REXO1: variants seen among roughly 807,000 people sequenced by gnomAD.
REXO1 encodes RNA exonuclease 1 homolog.
Under a neutral mutation model 102.6 loss-of-function variants are expected in REXO1, and 42 were observed. The observed-to-expected ratio is 0.41, with a 90% CI of 0.32 to 0.53. The LOEUF (loss-of-function observed/expected upper bound fraction) is 0.53. REXO1 is among the 20% of genes least tolerant of loss of function. The pLI, the probability that REXO1 is intolerant of heterozygous loss-of-function variation, is 0.27. For synonymous variants in REXO1, 908 were observed against 779.1 expected (o/e 1.17, Z -2.76); for missense variants, 1,819 against 1,732.5 (o/e 1.05, Z -0.89).
chr19:1,838,969 C>T (rs1370580409), intron 1 of REXO1, among the ~76,000 whole-genome samples: 1 of 151,360 alleles, frequency 6.6e-6, no homozygotes, highest in Non-Finnish European at 1.5e-5. Context: ...ATACAAAAAT[C>T]AGCAGCTGGG....
intron 1 of REXO1, among the ~76,000 whole-genome samples, chr19:1,837,412 AG>A (rs1359248505): frequency 6.6e-6 from 1 of 152,216 alleles, no homozygotes; most frequent in Non-Finnish European, 1.5e-5. Context: ...TCAGAGGCAA[AG>A]GGACCAGCAC....
chr19:1,824,808 CAG>C (rs1408963765), intron 3 of REXO1, among the ~76,000 whole-genome samples: 2 of 149,890 alleles, frequency 1.3e-5, no homozygotes, highest in African/African-American at 4.9e-5. Context: ...CTTTTTGAGA[CAG>C]AGTCTTGCCT....
chr19:1,817,191 C>G, intron 12 of REXO1, 28 bp downstream of exon 12: 1 of 1,608,970 alleles, frequency 6.2e-7, no homozygotes, highest in Non-Finnish European at 8.5e-7. Flanking sequence ...CAATCCTGAA[C>G]CCGACGCTGG....
In REXO1 at chr19:1,827,197, G is replaced by T; in HGVS notation, c.1592C>A (p.Ala531Glu). 1 of 1,540,428 alleles carries T rather than the reference G, an allele frequency of 6.5e-7. No individual in the cohort carries two copies. The change falls in exon 2 of 16, where the codon GCA becomes GAA. Residue 531 changes from alanine (A) to glutamate (E), a missense_variant. Ala to Glu is a moderately radical substitution (Grantham distance 107). Transcript: ENST00000170168. ...CCACACGCTCGGCACCCCTGGCCCT[G>T]CGGCCTCGTCCTCACTCTCGTCCCC... ...LFGDESEDEA[A>E]GPGVPSVWPS...
chr19:1,827,140 G>C lies in REXO1; in HGVS notation c.1649C>G (p.Ser550Ter). ...PSALPSLSSD[S>*]DSDSDSSLGF... is the part of the protein sequence containing the mutation. ...CAGGCTGGAGTCTGAGTCGGAGTCT[G>C]AGTCCGAGCTGAGGCTGGGGAGGGC... The change falls in exon 2 of 16, where the codon TCA becomes TGA. Residue 550 changes from serine to a stop codon, truncating the protein, a stop_gained. Coordinates refer to ENST00000170168, the MANE Select transcript of REXO1 (RefSeq NM_020695.4). LOFTEE classifies it high-confidence loss of function. 6.5e-7 allele frequency: 1 copy of C among 1,542,396 alleles called. No individual in the cohort carries two copies. Among genetic ancestry groups the C allele is most frequent in the Non-Finnish European group, 8.7e-7 (1 of 1,146,366 alleles).
intron 1 of REXO1, among the ~76,000 whole-genome samples, chr19:1,843,586 G>A (rs2011397835): frequency 1.3e-5 from 2 of 152,130 alleles, no homozygotes; most frequent in Non-Finnish European, 2.9e-5. Context: ...CGGCCCCGGT[G>A]GCCCGATTGC....
rs145855901 is a variant in REXO1, at chr19:1,816,790, C to T, written c.3225G>A (p.Glu1075=). 2.5e-6 allele frequency: 4 copies of T among 1,612,656 alleles called. No homozygotes were observed. The highest frequency in any genetic ancestry group is 2.5e-6 in the Non-Finnish European group (3 of 1,179,892). ...CEMSYTTYGL[E]LTRVTVVDTD... ...TGTCGACCACCGTGACGCGCGTCAG[C>T]TCCAGGCCATATGTGGTGTAGGACT... Residue 1075 remains glutamate (E), a synonymous_variant, in exon 13 of 16, where the codon GAG becomes GAA. Coordinates refer to ENST00000170168, the MANE Select transcript of REXO1 (RefSeq NM_020695.4).
chr19:1,827,172 C>G lies in REXO1; in HGVS notation c.1617G>C (p.Trp539Cys), dbSNP rs768400799. The change falls in exon 2 of 16, where the codon TGG (tryptophan) becomes TGC (cysteine). Residue 539 changes from tryptophan to cysteine, a missense_variant. By Grantham distance (215) the Trp-to-Cys change is radical. Transcript: ENST00000170168. The stretch of plus-strand genomic sequence containing the variant: ...AGCTGAGGCTGGGGAGGGCAGAGGG[C>G]CACACGCTCGGCACCCCTGGCCCTG... ...EAAGPGVPSV[W>C]PSALPSLSSD... is the part of the protein sequence containing the mutation. 3 of 1,541,264 alleles carry G rather than the reference C, an allele frequency of 1.9e-6. No homozygotes were observed. The highest frequency in any genetic ancestry group is 2.6e-6 in the Non-Finnish European group (3 of 1,146,582).
At chr19:1,828,699 C>G in intron 1 of REXO1, 68 bp from the exon 2 acceptor site, 1 of 1,489,838 alleles carries the variant, frequency 6.7e-7, no homozygotes, top group Non-Finnish European at 8.9e-7. Flanking sequence ...GGGGGCGGCC[C>G]CGGTCTCAAA....
At chr19:1,817,161 G>C (rs1305296545) in intron 12 of REXO1, 58 bp downstream of exon 12, 6 of 901,948 alleles carry the variant, frequency 6.7e-6, no homozygotes, top group African/African-American at 2.6e-5. Context: ...TGGGGCGGCC[G>C]CACCAGGCCA....
At chr19:1,839,990 C>T (rs2011213051) in intron 1 of REXO1, among the ~76,000 whole-genome samples, 1 of 152,214 alleles carries the variant, frequency 6.6e-6, no homozygotes, top group Admixed American at 6.5e-5. Context: ...CTCTGAGGGC[C>T]TCTGAGCCAC....
Position 1,816,678 on chromosome 19 carries a change from G to C in REXO1, c.3317+20C>G. ...AGGCGGCTGGGAGGGCTCCCAGCTC[G>C]TGGAGGGCACTGGCCACACCTGGTG... On this transcript the variant is annotated intron_variant, in intron 13 of 15. Coordinates refer to ENST00000170168, the MANE Select transcript of REXO1 (RefSeq NM_020695.4). 1.2e-6 allele frequency: 2 copies of C among 1,609,336 alleles called. No individual in the cohort carries two copies. Among genetic ancestry groups the C allele is most frequent in the Non-Finnish European group, 1.7e-6 (2 of 1,177,084 alleles).
chr19:1,828,104 G>A lies in REXO1; in HGVS notation c.685C>T (p.Pro229Ser), dbSNP rs750338526. The change falls in exon 2 of 16, where the codon CCC becomes TCC. Residue 229 changes from proline (P) to serine (S), a missense_variant. By Grantham distance (74) the Pro-to-Ser change is moderately conservative. Transcript: ENST00000170168. ...AGAGGGTCATACTCCAGGTCTGTGG[G>A]TGGCCTGGAGTTGTCCACCACGTAC... ...GKYVVDNSRPPTDLEYDPLSN... is the reference protein window; with the variant it reads ...GKYVVDNSRPSTDLEYDPLSN... The A allele has an allele frequency of 6.8e-6, 11 of 1,612,906 alleles. No individual in the cohort carries two copies. The African/African-American group carries it at 1.5e-4, about 22-fold the overall frequency.
rs551776596 is a variant in REXO1 at position 1,848,309 on chromosome 19, G to A, written c.50C>T (p.Ser17Phe). ...FFRAIDCPYWSGAPGGPCRRP... is the reference protein window; with the variant it reads ...FFRAIDCPYWFGAPGGPCRRP... Reference sequence around the variant, plus strand: ...CCGGCAGGGCCCCCCGGGCGCCCCAGACCAATAGGGGCAGTCAATGGCCCG... The same window carrying A: ...CCGGCAGGGCCCCCCGGGCGCCCCAAACCAATAGGGGCAGTCAATGGCCCG... The change falls in exon 1 of 16, where the codon TCT (serine) becomes TTT (phenylalanine). Residue 17 changes from serine to phenylalanine, a missense_variant. Physicochemically the swap from Ser to Phe is radical, Grantham distance 155. Transcript: ENST00000170168. 972 of 1,230,378 alleles carry A rather than the reference G, an allele frequency of 7.9e-4. 1 individual carries two copies. The highest frequency in any genetic ancestry group is 4.4e-3 in the African/African-American group (282 of 63,806). The allele number at this position is 1,230,378 out of a possible 1,614,324, so 76.2% of individuals were successfully genotyped here.
intron 1 of REXO1, among the ~76,000 whole-genome samples, chr19:1,846,007 G>A (rs2011521135): frequency 6.6e-6 from 1 of 152,220 alleles, no homozygotes; most frequent in Non-Finnish European, 1.5e-5. Flanking sequence ...CATGCAGCGC[G>A]TGTCCAGCAC....
chr19:1,825,883 C>A lies in REXO1; in HGVS notation c.1972G>T (p.Gly658Trp). 6.2e-7 allele frequency: 1 copy of A among 1,613,712 alleles called. No homozygotes were observed. The highest frequency in any genetic ancestry group is 8.5e-7 in the Non-Finnish European group (1 of 1,179,876). ...GLSGLTTLFP[G>W]QKRRISHLSK... ...AGGTGGGAGATCCTCCTCTTCTGCC[C>A]GGGGAACAGAGTGGTCAGACCCGAA... Residue 658 changes from glycine to tryptophan, a missense_variant, in exon 3 of 16, where the codon GGG becomes TGG. By Grantham distance (184) the Gly-to-Trp change is radical. Transcript: ENST00000170168.
intron 1 of REXO1, among the ~76,000 whole-genome samples, chr19:1,842,492 A>G (rs1376465609): frequency 6.6e-6 from 1 of 152,262 alleles, no homozygotes; most frequent in East Asian, 1.9e-4. Context: ...CTGAAGACCT[A>G]AGCAAAGAAT....
intron 1 of REXO1, among the ~76,000 whole-genome samples, chr19:1,840,045 C>T (rs1320351796): frequency 6.6e-6 from 1 of 152,184 alleles, no homozygotes; most frequent in Non-Finnish European, 1.5e-5. Context: ...GACTGTGACC[C>T]GTGACCGTTA....
rs1467341108 is a variant in REXO1 at position 1,827,638 on chromosome 19, G to A, written c.1151C>T (p.Pro384Leu). Residue 384 changes from proline (P) to leucine (L), a missense_variant, in exon 2 of 16, where the codon CCA becomes CTA. Coordinates refer to ENST00000170168, the MANE Select transcript of REXO1 (RefSeq NM_020695.4). ...CCCGTCTTTGCAGCTGGGGGCAGGTGGGGCCCCGGTTTTTTTCTTCTTGGG... is the reference window on the plus strand; with the variant it reads ...CCCGTCTTTGCAGCTGGGGGCAGGTAGGGCCCCGGTTTTTTTCTTCTTGGG... ...GKPKKKKTGA[P>L]PAPSCKDGAQ... The A allele has an allele frequency of 1.3e-6, 2 of 1,572,002 alleles. No homozygotes were observed. Among genetic ancestry groups the A allele is most frequent in the African/African-American group, 1.4e-5 (1 of 72,368 alleles).
Sources: gnomAD v4.1 joint callset for allele counts (sites outside exome capture counted in the v4.1 genomes callset) on GRCh38, gnomAD v4.1.1 for gene constraint, MANE v1.5 for transcripts, NCBI Gene and HGNC (gene_info 2026-07-23, HGNC 2026-07-21) for gene names.